LRIG3: variants seen among roughly 807,000 people sequenced by gnomAD.
LRIG3 encodes leucine-rich repeats and immunoglobulin-like domains protein 3.
A neutral mutation model predicts 114.5 loss-of-function variants in LRIG3; 76 were observed. The observed-to-expected ratio is 0.66, with a 90% confidence interval of 0.55 to 0.80. The LOEUF is 0.80. Among genes scored for constraint, LRIG3 ranks in the 30% least tolerant of loss-of-function variants. The pLI is 0.00. For synonymous variants in LRIG3, 512 were observed against 519.8 expected (o/e 0.98, Z 0.20); for missense variants, 1,239 against 1,382.8 (o/e 0.90, Z 1.65).
chr12:58,880,089 G>A (rs750778602), intron 13 of LRIG3, among the ~76,000 whole-genome samples: 7 of 152,094 alleles, frequency 4.6e-5, no homozygotes, highest in East Asian at 3.9e-4. Context: ...AAGGTCAGGC[G>A]TTCGAGACCA....
chr12:58,913,041 C>T (rs1872343459), intron 3 of LRIG3, among the ~76,000 whole-genome samples: 2 of 152,090 alleles, frequency 1.3e-5, no homozygotes, highest in Non-Finnish European at 2.9e-5. Context: ...GACCTGGGCC[C>T]TCAGTAAAAA....
intron 3 of LRIG3, among the ~76,000 whole-genome samples, chr12:58,905,976 A>G (rs1872049475): frequency 6.6e-6 from 1 of 152,244 alleles, no homozygotes; most frequent in Non-Finnish European, 1.5e-5. Flanking sequence ...ATGAACTAGG[A>G]CAACCTCTAA....
chr12:58,878,123 G>A (rs574540458), intron 14 of LRIG3, among the ~76,000 whole-genome samples: 6 of 152,032 alleles, frequency 3.9e-5, no homozygotes, highest in African/African-American at 7.2e-5. Flanking sequence ...CTGGTAGTAG[G>A]GGGGGAGAGT....
In LRIG3 at chr12:58,872,763, C is replaced by T; in HGVS notation, c.3169G>A (p.Gly1057Arg). 6.2e-7 allele frequency: 1 copy of T among 1,614,070 alleles called. No individual in the cohort carries two copies. The highest frequency in any genetic ancestry group is 1.3e-5 in the African/African-American group (1 of 75,054). The change falls in exon 19 of 19, where the codon GGA becomes AGA. Residue 1057 changes from glycine (G) to arginine (R), a missense_variant. Gly to Arg is a moderately radical substitution (Grantham distance 125, BLOSUM62 -2). Transcript: ENST00000320743. ...CTTGGCTGACAATCTGATGGCTGTC[C>T]AAAGCTTGAATAGGCATCTAGGTGA... ...RPHLDAYSSF[G>R]QPSDCQPRAF...
At position 58,895,044 on chromosome 12, in the gene LRIG3, C is replaced by T. The variant is rs114664712; in HGVS notation, c.384-4248G>A. ...ACCACGTATTTTGGCCTCAGCTTCTCGGGTCCAGTGATAATGGTTTCATTT... is the reference window on the plus strand; with the variant it reads ...ACCACGTATTTTGGCCTCAGCTTCTTGGGTCCAGTGATAATGGTTTCATTT... On this transcript the variant is annotated intron_variant, in intron 3 of 18. Coordinates refer to ENST00000320743, the MANE Select transcript of LRIG3 (RefSeq NM_153377.5). Among the ~76,000 whole-genome samples the T allele has an allele frequency of 2.0e-3, 299 of 152,296 alleles. 1 individual carries two copies. The highest frequency in any genetic ancestry group is 6.7e-3 in the African/African-American group (280 of 41,566).
In LRIG3 at chr12:58,901,254, T is replaced by C. The variant is rs529604998; in HGVS notation, c.384-10458A>G. Among the ~76,000 whole-genome samples the C allele has an allele frequency of 3.3e-5, 5 of 152,296 alleles. No individual in the cohort carries two copies. In the East Asian group the frequency reaches 9.6e-4, roughly 29 times the overall value. On this transcript the variant is annotated intron_variant, in intron 3 of 18. Coordinates refer to ENST00000320743, the MANE Select transcript of LRIG3 (RefSeq NM_153377.5). ...CTCAGTATGAGCCAATAATACAACA[T>C]GGTACTTAAAATGCTAATATAATCT... is the stretch of plus-strand genomic sequence containing the variant.
At chr12:58,891,270 C>T (rs1871447899) in intron 3 of LRIG3, among the ~76,000 whole-genome samples, 2 of 152,030 alleles carry the variant, frequency 1.3e-5, no homozygotes, top group Non-Finnish European at 2.9e-5. Flanking sequence ...AGTGCCACCT[C>T]ATCTCGCTAA....
intron 3 of LRIG3, among the ~76,000 whole-genome samples, chr12:58,899,001 G>A (rs938119343): frequency 2.6e-5 from 4 of 152,170 alleles, no homozygotes; most frequent in Admixed American, 6.5e-5. Flanking sequence ...ATGCCAGCTT[G>A]GGGAGCCAGA....
rs775819479 is a variant in LRIG3 at position 58,874,074 on chromosome 12, G to A, written c.3096C>T (p.Ala1032=). Residue 1032 remains alanine, a synonymous_variant, in exon 18 of 19, where the codon GCC becomes GCT. Transcript: ENST00000320743. ...FSANPEPASV[A]SSNSFMGTFG... is the part of the protein sequence containing the mutation. ...ACTTACCCATGAAAGAATTACTCGA[G>A]GCAACCGACGCTGGCTCTGGATTTG... 6.8e-6 allele frequency: 11 copies of A among 1,614,160 alleles called. No homozygotes were observed. In the East Asian group the frequency reaches 1.6e-4, roughly 23 times the overall value.
intron 10 of LRIG3, among the ~76,000 whole-genome samples, chr12:58,884,476 C>G (rs1487068807): frequency 6.6e-6 from 1 of 152,196 alleles, no homozygotes; most frequent in African/African-American, 2.4e-5. Context: ...AAAACTGAAG[C>G]AGAGATTAAT....
intron 8 of LRIG3, 78 bp downstream of exon 8, chr12:58,887,711 G>C: frequency 6.7e-7 from 1 of 1,499,938 alleles, no homozygotes; most frequent in Non-Finnish European, 9.1e-7. Context: ...TGACAACAAA[G>C]GAAATCTGCT....
At chr12:58,886,927 G>C in intron 8 of LRIG3, 37 bp from the exon 9 acceptor site, 1 of 1,555,024 alleles carries the variant, frequency 6.4e-7, no homozygotes, top group Non-Finnish European at 8.8e-7. Flanking sequence ...AGAGTGATAA[G>C]CTCAGAAAGC....
At position 58,872,156 on chromosome 12, in the gene LRIG3, C is replaced by A. The variant is rs2120858401; in HGVS notation, c.*416G>T. 6.6e-6 allele frequency: 1 copy of A among 152,542 alleles called. No homozygotes were observed. The highest frequency in any genetic ancestry group is 1.5e-5 in the Non-Finnish European group (1 of 68,328). 9.4% of individuals were successfully genotyped at this position (152,542 alleles called of 1,614,324 possible). On this transcript the variant is annotated 3_prime_UTR_variant, in exon 19 of 19. Transcript: ENST00000320743. ...TTATTGTATAAATGGGGCTTGGCATCAAATTGACACATTTTATTAAATATA... is the reference window on the plus strand; with the variant it reads ...TTATTGTATAAATGGGGCTTGGCATAAAATTGACACATTTTATTAAATATA...
intron 3 of LRIG3, among the ~76,000 whole-genome samples, chr12:58,905,558 CA>C (rs1872031308): frequency 6.6e-6 from 1 of 152,154 alleles, no homozygotes; most frequent in South Asian, 2.1e-4. Flanking sequence ...GTGTCCTCTC[CA>C]AAACTCACGT....
At chr12:58,919,582 G>C in intron 1 of LRIG3, 2 of 1,538,344 alleles carry the variant, frequency 1.3e-6, no homozygotes, top group South Asian at 1.2e-5. Flanking sequence ...GACGCAGCTA[G>C]AAACTAAAAC....
rs189613476 is a variant in LRIG3 at position 58,911,512 on chromosome 12, C to T, written c.383+2470G>A. On this transcript the variant is annotated intron_variant, in intron 3 of 18. Coordinates refer to ENST00000320743, the MANE Select transcript of LRIG3 (RefSeq NM_153377.5). The stretch of plus-strand genomic sequence containing the variant: ...GCAAATAACTCATAAAAATGTTTTC[C>T]TCTGCAAAATGTAAAAGATACAAAC... Among the ~76,000 whole-genome samples, 189 of 152,266 alleles carry T rather than the reference C, an allele frequency of 1.2e-3. 1 individual carries two copies. The highest frequency in any genetic ancestry group is 4.4e-3 in the African/African-American group (181 of 41,546).
At chr12:58,919,444 A>C (rs1872592349) in intron 1 of LRIG3, 1 of 1,551,642 alleles carries the variant, frequency 6.4e-7, no homozygotes, top group Admixed American at 2.0e-5. Flanking sequence ...TAATGTGAAA[A>C]AGCAAGCAGA....
intron 16 of LRIG3, 140 bp downstream of exon 16, chr12:58,876,305 A>T: frequency 2.5e-6 from 2 of 811,568 alleles, no homozygotes; most frequent in Non-Finnish European, 3.8e-6. Context: ...AGAACTATAC[A>T]ATTTCAACCT....
chr12:58,878,753 C>T lies in LRIG3; in HGVS notation c.2083+71G>A, dbSNP rs948072540. 2.6e-6 allele frequency: 4 copies of T among 1,519,868 alleles called. No individual in the cohort carries two copies. The African/African-American group carries it at 5.5e-5, about 21-fold the overall frequency. The allele number at this position is 1,519,868 out of a possible 1,614,324, so 94.1% of individuals were successfully genotyped here. A position where few individuals can be genotyped will look rare whatever the true frequency, so the allele number is the denominator to read the frequency against. On this transcript the variant is annotated intron_variant, in intron 14 of 18. Transcript: ENST00000320743. ...TCTCTTACTCTCACAACTTCTGATACTTAGGGACCTTGGATGAGCTAGTAT... is the reference window on the plus strand; with the variant it reads ...TCTCTTACTCTCACAACTTCTGATATTTAGGGACCTTGGATGAGCTAGTAT...
Sources: allele counts gnomAD v4.1 joint callset (sites outside exome capture counted in the v4.1 genomes callset), GRCh38; gene constraint gnomAD v4.1.1; transcripts MANE v1.5; gene names NCBI Gene and HGNC (gene_info 2026-07-23, HGNC 2026-07-21).